Variants in TNC observed in about 807,000 individuals in gnomAD.
TNC encodes the protein tenascin C.
In TNC, 109 loss-of-function variants were observed where a neutral mutation model predicts 202.4. The observed-to-expected ratio is 0.54, with a 90% CI of 0.46 to 0.63. The LOEUF is 0.63. Ranked by LOEUF, TNC falls within the 30% of genes least tolerant of loss-of-function variation. The pLI, the probability that TNC is intolerant of heterozygous loss-of-function variation, is 0.00. For missense variants in TNC, 2,756 were observed against 2,833.3 expected, an observed-to-expected ratio of 0.97 and a Z score of 0.62; for synonymous variants, 1,007 against 1,089.7, an observed-to-expected ratio of 0.92 and a Z score of 1.50.
At chr9:115,109,541 C>A (rs1836880093) in intron 1 of TNC, among the ~76,000 whole-genome samples, 1 of 152,140 alleles carries the variant, frequency 6.6e-6, no homozygotes, top group South Asian at 2.1e-4. Context: ...TCCATCCCAC[C>A]CTTGAGCCTG....
intron 13 of TNC, 63 bp from the exon 14 acceptor site, chr9:115,060,065 C>T: frequency 6.8e-7 from 1 of 1,478,430 alleles, no homozygotes; most frequent in South Asian, 1.3e-5. Context: ...ACCAAACATC[C>T]CACAGCCCAA....
chr9:115,110,151 T>C (rs1246193385), intron 1 of TNC, among the ~76,000 whole-genome samples: 4 of 151,874 alleles, frequency 2.6e-5, no homozygotes, highest in African/African-American at 7.3e-5. Flanking sequence ...GAGAGAAAAA[T>C]ATGAATAGGT....
intron 10 of TNC, among the ~76,000 whole-genome samples, chr9:115,067,012 A>G (rs981258820): frequency 7.2e-5 from 11 of 152,238 alleles, no homozygotes; most frequent in African/African-American, 2.7e-4. Flanking sequence ...AGCTTACACC[A>G]GAGGCTCCAA....
intron 13 of TNC, 73 bp downstream of exon 13, chr9:115,062,844 C>T (rs1326537361): frequency 4.0e-5 from 61 of 1,520,594 alleles, no homozygotes; most frequent in East Asian, 2.1e-4. Context: ...TTCTGCCACA[C>T]GGGTGAATTT....
intron 17 of TNC, among the ~76,000 whole-genome samples, chr9:115,044,144 T>C (rs1830987811): frequency 6.6e-6 from 1 of 151,608 alleles, no homozygotes. Context: ...TATGGAGAGG[T>C]ACCTTGTGAG....
At chr9:115,050,460 CT>C (rs1382743485) in intron 15 of TNC, among the ~76,000 whole-genome samples, 1 of 152,144 alleles carries the variant, frequency 6.6e-6, no homozygotes, top group Non-Finnish European at 1.5e-5. Flanking sequence ...AGAATCTCAT[CT>C]CGTTCCTCCT....
At chr9:115,025,157 G>A (rs1470833018) in intron 26 of TNC, among the ~76,000 whole-genome samples, 1 of 152,210 alleles carries the variant, frequency 6.6e-6, no homozygotes, top group Admixed American at 6.5e-5. Flanking sequence ...CACAAAGAGA[G>A]AGGAACAGAG....
intron 1 of TNC, among the ~76,000 whole-genome samples, chr9:115,095,460 ATATATATATGTATATATATG>A (rs1237484638): frequency 1.0e-5 from 1 of 98,762 alleles, no homozygotes; most frequent in African/African-American, 4.1e-5. Flanking sequence ...ATATATATGT[ATATATATATGTATATATATG>A]TATATATATA....
intron 15 of TNC, among the ~76,000 whole-genome samples, chr9:115,054,660 G>A (rs1384171672): frequency 6.6e-6 from 1 of 152,232 alleles, no homozygotes; most frequent in South Asian, 2.1e-4. Flanking sequence ...GATAGTGGTA[G>A]TTAGGGTATG....
chr9:115,073,178 CA>C (rs573731306), intron 10 of TNC, among the ~76,000 whole-genome samples: 1 of 150,960 alleles, frequency 6.6e-6, no homozygotes, highest in African/African-American at 2.4e-5. Context: ...ATAACAACAA[CA>C]AAAAAAATAT....
intron 17 of TNC, among the ~76,000 whole-genome samples, chr9:115,045,240 T>C (rs1831085070): frequency 6.6e-6 from 1 of 152,216 alleles, no homozygotes; most frequent in African/African-American, 2.4e-5. Context: ...GAATGCTATG[T>C]CTCTGCATCT....
chr9:115,046,344 A>G, intron 17 of TNC, 66 bp downstream of exon 17: 2 of 1,563,864 alleles, frequency 1.3e-6, no homozygotes, highest in Admixed American at 3.5e-5. Context: ...GTGATTACTC[A>G]GCCCTGTGAG....
chr9:115,048,597 G>C, intron 15 of TNC, 65 bp from the exon 16 acceptor site: 8 of 1,493,796 alleles, frequency 5.4e-6, no homozygotes, highest in Non-Finnish European at 7.2e-6. Context: ...GATAGCACAC[G>C]TTTCCAAGAA....
rs1328324409 is a variant in TNC, at chr9:115,086,857, C to T, written c.874G>A (p.Gly292Arg). Residue 292 changes from glycine to arginine, a missense_variant, in exon 3 of 28, where the codon GGA becomes AGA. Gly to Arg is a moderately radical substitution (Grantham distance 125). This residue lies in a region of TNC where 2,559 missense variants were observed against 2,546.0 expected (regional missense o/e 1.01). Coordinates refer to ENST00000350763, the MANE Select transcript of TNC (RefSeq NM_002160.4). ...PLCLNNCYNR[G>R]RCVENECVCD... The stretch of plus-strand genomic sequence containing the variant: ...ACGCACTCATTCTCCACGCATCGTC[C>T]ACGGTTGTAGCAATTGTTGAGACAC... 1.2e-5 allele frequency: 20 copies of T among 1,614,198 alleles called. No homozygotes were observed. Among genetic ancestry groups the T allele is most frequent in the Non-Finnish European group, 1.7e-5 (20 of 1,180,036 alleles).
chr9:115,067,766 T>C (rs955997932), intron 10 of TNC, among the ~76,000 whole-genome samples: 3 of 152,086 alleles, frequency 2.0e-5, no homozygotes, highest in African/African-American at 4.8e-5. Context: ...CATAATGTCA[T>C]GTTGTTCAGT....
chr9:115,048,899 G>C (rs1831421960), intron 15 of TNC, among the ~76,000 whole-genome samples: 1 of 151,750 alleles, frequency 6.6e-6, no homozygotes, highest in South Asian at 2.1e-4. Flanking sequence ...TGTTGAGTTT[G>C]GATCCCGTTG....
At chr9:115,038,522 A>T in intron 19 of TNC, 142 bp from the exon 20 acceptor site, 1 of 1,123,890 alleles carries the variant, frequency 8.9e-7, no homozygotes, top group Non-Finnish European at 1.2e-6. Flanking sequence ...CTAAGCCTGG[A>T]GCCAGCCTGA....
chr9:115,028,556 C>A (rs867395683), intron 25 of TNC, among the ~76,000 whole-genome samples: 1 of 152,080 alleles, frequency 6.6e-6, no homozygotes, highest in African/African-American at 2.4e-5. Context: ...AGTTTTGGTT[C>A]TTCCTTAATC....
At chr9:115,109,144 T>A (rs1337207701) in intron 1 of TNC, among the ~76,000 whole-genome samples, 8 of 152,214 alleles carry the variant, frequency 5.3e-5, no homozygotes, top group Admixed American at 3.3e-4. Context: ...GTGATTCCCA[T>A]GAGAATGCTT....
Sources: gnomAD v4.1 joint callset for allele counts (sites outside exome capture counted in the v4.1 genomes callset) on GRCh38, gnomAD v4.1.1 for gene constraint, gnomAD v4.1.1 regional missense constraint, MANE v1.5 for transcripts, NCBI Gene and HGNC (gene_info 2026-07-23, HGNC 2026-07-21) for gene names.